Variants in TIMM22 observed in about 807,000 individuals in gnomAD.
TIMM22 encodes mitochondrial import inner membrane translocase subunit Tim22.
A neutral mutation model predicts 18.3 loss-of-function variants in TIMM22; 12 were observed. The ratio of observed to expected loss-of-function variants is 0.65; its 90% CI spans 0.42 to 1.06. The LOEUF (loss-of-function observed/expected upper bound fraction) is 1.06. Among genes scored for constraint, TIMM22 ranks in the 50% least tolerant of loss-of-function variants. The probability of loss-of-function intolerance (pLI) is 0.00; values close to 1 mark genes in which losing one functional copy is unlikely to be tolerated. For missense variants in TIMM22, 278 were observed against 252.8 expected (o/e 1.10, Z -0.68); for synonymous variants, 107 against 98.5 (o/e 1.09, Z -0.51).
Position 1,001,340 on chromosome 17 carries a change from G to A in TIMM22, c.*252G>A, listed in dbSNP as rs188692979. ...GTGCCAGATTCTCTCACAGCAGATC[G>A]GGAGACAGGATGTTGACATATAGGA... On this transcript the variant is annotated 3_prime_UTR_variant, in exon 4 of 4. Coordinates refer to ENST00000327158, the MANE Select transcript of TIMM22 (RefSeq NM_013337.4). 635 of 433,186 alleles carry A rather than the reference G, an allele frequency of 1.5e-3. 3 individuals are homozygous for A. The highest frequency in any genetic ancestry group is 0.011 in the African/African-American group (537 of 49,556). The allele number at this position is 433,186 out of a possible 1,614,324, so 26.8% of individuals were successfully genotyped here.
At chr17:1,000,915 C>G (rs1597309459) in intron 3 of TIMM22, 97 bp from the exon 4 acceptor site, 2 of 1,204,720 alleles carry the variant, frequency 1.7e-6, no homozygotes, top group East Asian at 2.3e-5. Flanking sequence ...AGTGCTTAAG[C>G]TCATTTCATG....
Position 1,003,603 on chromosome 17 carries a change from A to C in TIMM22, c.*2515A>C, listed in dbSNP as rs1423285566. On this transcript the variant is annotated 3_prime_UTR_variant, in exon 4 of 4. Coordinates refer to ENST00000327158, the MANE Select transcript of TIMM22 (RefSeq NM_013337.4). ...TTTACATCAATTTATAATAATCTACATAAGTTGAAACAGAACATAGACAAA... is the reference window on the plus strand; with the variant it reads ...TTTACATCAATTTATAATAATCTACCTAAGTTGAAACAGAACATAGACAAA... 1 of 152,610 alleles carries C rather than the reference A, an allele frequency of 6.6e-6. No homozygotes were observed. The highest frequency in any genetic ancestry group is 2.1e-4 in the South Asian group (1 of 4,834). 9.5% of individuals were successfully genotyped at this position (152,610 alleles called of 1,614,324 possible).
chr17:999,851 C>T (rs951485104), intron 3 of TIMM22, among the ~76,000 whole-genome samples: 2 of 152,046 alleles, frequency 1.3e-5, no homozygotes, highest in Non-Finnish European at 2.9e-5. Flanking sequence ...TGAGCAGTAT[C>T]CCTGGCCTCT....
At chr17:999,962 C>T (rs2069726883) in intron 3 of TIMM22, among the ~76,000 whole-genome samples, 2 of 152,058 alleles carry the variant, frequency 1.3e-5, no homozygotes, top group South Asian at 2.1e-4. Flanking sequence ...TGCAGTGGCA[C>T]GATGTCAGCT....
Position 1,001,120 on chromosome 17 carries a change from GC to G in TIMM22, c.*36del. 4 of 1,610,732 alleles carry G rather than the reference GC, an allele frequency of 2.5e-6. No individual in the cohort carries two copies. The highest frequency in any genetic ancestry group is 3.4e-6 in the Non-Finnish European group (4 of 1,178,030). ...TTGCCTGCAGGGAAGGATGATGCCA[GC>G]CCCGGATCCGGGCTGCTCTCTGGAG... On this transcript the variant is annotated 3_prime_UTR_variant, in exon 4 of 4. Coordinates refer to ENST00000327158, the MANE Select transcript of TIMM22 (RefSeq NM_013337.4).
intron 1 of TIMM22, among the ~76,000 whole-genome samples, chr17:998,204 A>T (rs1197705036): frequency 6.6e-6 from 1 of 152,198 alleles, no homozygotes; most frequent in Non-Finnish European, 1.5e-5. Context: ...ATTGACCATG[A>T]GGTCATGAGA....
intron 3 of TIMM22, among the ~76,000 whole-genome samples, chr17:1,000,624 G>A (rs933012094): frequency 6.6e-6 from 1 of 152,116 alleles, no homozygotes; most frequent in African/African-American, 2.4e-5. Flanking sequence ...CTTCACCAGG[G>A]CCTCTTTGAG....
At chr17:997,439 C>T (rs1196090355) in intron 1 of TIMM22, 59 bp downstream of exon 1, 25 of 1,536,388 alleles carry the variant, frequency 1.6e-5, no homozygotes, top group Non-Finnish European at 2.0e-5. Flanking sequence ...GTGGGGATCT[C>T]TGCCGAGAAG....
At chr17:999,048 T>G in intron 2 of TIMM22, 73 bp downstream of exon 2, 1 of 1,480,998 alleles carries the variant, frequency 6.8e-7, no homozygotes, top group Non-Finnish European at 9.1e-7. Flanking sequence ...AAATTGCTCT[T>G]TAAAAGTCAT....
Position 998,954 on chromosome 17 carries a change from T to A in TIMM22, c.414T>A (p.Cys138Ter), listed in dbSNP as rs1376761632. Residue 138 changes from cysteine to a stop codon, truncating the protein, a stop_gained, in exon 2 of 4, where the codon TGT becomes TGA. Coordinates refer to ENST00000327158, the MANE Select transcript of TIMM22 (RefSeq NM_013337.4). LOFTEE classifies it high-confidence loss of function. ...CCATTGTGGGAGCCATGTTTTCTTG[T>A]ACTGAGTGTTTGATAGAATCTGTAA... ...NFAIVGAMFS[C>*]TECLIESYRG... 1.2e-6 allele frequency: 2 copies of A among 1,613,866 alleles called. No homozygotes were observed. Among genetic ancestry groups the A allele is most frequent in the African/African-American group, 2.7e-5 (2 of 75,042 alleles).
chr17:999,677 T>TCG, intron 3 of TIMM22, 93 bp downstream of exon 3: 5 of 1,159,128 alleles, frequency 4.3e-6, no homozygotes, highest in Non-Finnish European at 6.3e-6. Context: ...CCAGGGACAC[T>TCG]TGATCTTCTT....
Position 1,003,064 on chromosome 17 carries a change from C to G in TIMM22, c.*1976C>G, listed in dbSNP as rs1340475977. On this transcript the variant is annotated 3_prime_UTR_variant, in exon 4 of 4. Coordinates refer to ENST00000327158, the MANE Select transcript of TIMM22 (RefSeq NM_013337.4). ...AGCCAATATTCACGCCACTGACTCT[C>G]TCAAAGGGAGGGTGGGCCCTCGGAG... 1 of 152,180 alleles carries G rather than the reference C, an allele frequency of 6.6e-6. No individual in the cohort carries two copies. Among genetic ancestry groups the G allele is most frequent in the Non-Finnish European group, 1.5e-5 (1 of 68,042 alleles). The allele number at this position is 152,180 out of a possible 1,614,324, so 9.4% of individuals were successfully genotyped here.
chr17:1,000,228 A>T (rs2069730347), intron 3 of TIMM22, among the ~76,000 whole-genome samples: 1 of 151,762 alleles, frequency 6.6e-6, no homozygotes, highest in Non-Finnish European at 1.5e-5. Context: ...TTAATTTTAG[A>T]TATAAATTAT....
chr17:998,669 T>TG, intron 1 of TIMM22, 110 bp from the exon 2 acceptor site: 1 of 1,093,532 alleles, frequency 9.1e-7, no homozygotes, highest in East Asian at 2.7e-5. Context: ...AAGAGGGGGG[T>TG]GTCCTCTGCA....
At position 999,358 on chromosome 17, in the gene TIMM22, T is replaced by TACAC. The variant is rs1555524935; in HGVS notation, c.436-153_436-150dup. Among the ~76,000 whole-genome samples, 88 of 132,536 alleles carry TACAC rather than the reference T, an allele frequency of 6.6e-4. 1 individual carries two copies. Among genetic ancestry groups the TACAC allele is most frequent in the African/African-American group, 2.4e-3 (74 of 31,206 alleles). 86.9% of individuals were successfully genotyped at this position (132,536 alleles called of 152,430 possible). ...ATATATATATATATATATATATATATACACGCTGTATACTTAGGAACTATA... is the reference window on the plus strand; with the variant it reads ...ATATATATATATATATATATATATATACACACACGCTGTATACTTAGGAACTATA... On this transcript the variant is annotated intron_variant, in intron 2 of 3. Coordinates refer to ENST00000327158, the MANE Select transcript of TIMM22 (RefSeq NM_013337.4).
At chr17:997,501 T>C (rs2069695690) in intron 1 of TIMM22, 121 bp downstream of exon 1, 1 of 945,272 alleles carries the variant, frequency 1.1e-6, no homozygotes, top group African/African-American at 1.7e-5. Context: ...GACCACACCC[T>C]CGCCTCGTTC....
chr17:1,002,439 A>T lies in TIMM22; in HGVS notation c.*1351A>T, dbSNP rs1273181313. ...CTTAACCAGCGTTCACACTCAGTGTACATGGCCTGGAGGCCCGAGTGTTTG... is the reference window on the plus strand; with the variant it reads ...CTTAACCAGCGTTCACACTCAGTGTTCATGGCCTGGAGGCCCGAGTGTTTG... On this transcript the variant is annotated 3_prime_UTR_variant, in exon 4 of 4. Coordinates refer to ENST00000327158, the MANE Select transcript of TIMM22 (RefSeq NM_013337.4). 1 of 152,250 alleles carries T rather than the reference A, an allele frequency of 6.6e-6. No homozygotes were observed. Among genetic ancestry groups the T allele is most frequent in the African/African-American group, 2.4e-5 (1 of 41,452 alleles). The allele number at this position is 152,250 out of a possible 1,614,324, so 9.4% of individuals were successfully genotyped here.
Position 999,428 on chromosome 17 carries a change from C to T in TIMM22, c.436-84C>T, listed in dbSNP as rs1037401192. ...TTCCTTTGGGTAGGGACTGAATGAG[C>T]TAACGAGCAACCCTGTGTATTCCTC... is the stretch of plus-strand genomic sequence containing the variant. On this transcript the variant is annotated intron_variant, in intron 2 of 3. Coordinates refer to ENST00000327158, the MANE Select transcript of TIMM22 (RefSeq NM_013337.4). 6.8e-5 allele frequency: 94 copies of T among 1,377,764 alleles called. 1 individual carries two copies. The highest frequency in any genetic ancestry group is 8.2e-5 in the Non-Finnish European group (82 of 998,982). 85.3% of individuals were successfully genotyped at this position (1,377,764 alleles called of 1,614,324 possible). A position where few individuals can be genotyped will look rare whatever the true frequency, so the allele number is the denominator to read the frequency against.
At position 1,001,171 on chromosome 17, in the gene TIMM22, C is replaced by T. The variant is rs1204246689; in HGVS notation, c.*83C>T. On this transcript the variant is annotated 3_prime_UTR_variant, in exon 4 of 4. Coordinates refer to ENST00000327158, the MANE Select transcript of TIMM22 (RefSeq NM_013337.4). ...GGACAGTTTCTGTACCACACCAGGG[C>T]CTTGCTTCAGGGCCTGAAGACATTC... 1 of 1,467,240 alleles carries T rather than the reference C, an allele frequency of 6.8e-7. No homozygotes were observed. The highest frequency in any genetic ancestry group is 9.5e-7 in the Non-Finnish European group (1 of 1,051,072). The allele number at this position is 1,467,240 out of a possible 1,614,324, so 90.9% of individuals were successfully genotyped here.
Sources: allele counts gnomAD v4.1 joint callset (sites outside exome capture counted in the v4.1 genomes callset), GRCh38; gene constraint gnomAD v4.1.1; transcripts MANE v1.5; gene names NCBI Gene and HGNC (gene_info 2026-07-23, HGNC 2026-07-21).